Variants in USP34 observed in about 807,000 individuals in gnomAD.
USP34 encodes ubiquitin carboxyl-terminal hydrolase 34.
USP34 carries 70 observed loss-of-function variants against 460.3 expected under a neutral mutation model. That is an observed-to-expected ratio of 0.15 (90% CI 0.13 to 0.19). The LOEUF is 0.19. Ranked by LOEUF, USP34 falls within the 10% of genes least tolerant of loss-of-function variation. The pLI is 1.00. For missense variants in USP34, 3,985 were observed against 4,236.2 expected (o/e 0.94, Z 1.65); for synonymous variants, 1,647 against 1,405.3 (o/e 1.17, Z -3.85).
At chr2:61,353,285 G>A (rs1159328304) in intron 10 of USP34, among the ~76,000 whole-genome samples, 1 of 151,956 alleles carries the variant, frequency 6.6e-6, no homozygotes, top group Non-Finnish European at 1.5e-5. Context: ...ATGATTACTA[G>A]AGGTCTTAGA....
At chr2:61,353,805 GAGAA>G (rs1281816889) in intron 10 of USP34, among the ~76,000 whole-genome samples, 1 of 152,082 alleles carries the variant, frequency 6.6e-6, no homozygotes, top group Non-Finnish European at 1.5e-5. Context: ...TGAACAAAAT[GAGAA>G]TATCAGCAAA....
chr2:61,429,681 G>A (rs1457338182), intron 1 of USP34, among the ~76,000 whole-genome samples: 1 of 151,866 alleles, frequency 6.6e-6, no homozygotes, highest in South Asian at 2.1e-4. Context: ...AAAAGAAACC[G>A]ACTACTGATG....
At chr2:61,338,071 C>CA (rs1219208631) in intron 18 of USP34, among the ~76,000 whole-genome samples, 1 of 152,160 alleles carries the variant, frequency 6.6e-6, no homozygotes, top group African/African-American at 2.4e-5. Flanking sequence ...CCTGTAATCC[C>CA]AGCACTTTGA....
At chr2:61,415,582 T>A (rs949875078) in intron 2 of USP34, among the ~76,000 whole-genome samples, 1 of 152,018 alleles carries the variant, frequency 6.6e-6, no homozygotes, top group Non-Finnish European at 1.5e-5. Context: ...ATAAGAAGAG[T>A]GTTTCAGAAT....
intron 16 of USP34, among the ~76,000 whole-genome samples, chr2:61,340,095 C>A (rs1691544173): frequency 6.6e-6 from 1 of 151,982 alleles, no homozygotes; most frequent in Admixed American, 6.6e-5. Flanking sequence ...ATCAAGAGAA[C>A]TGTACATAAA....
intron 10 of USP34, among the ~76,000 whole-genome samples, chr2:61,353,390 G>C (rs111270682): frequency 1.3e-5 from 2 of 148,648 alleles, no homozygotes; most frequent in Non-Finnish European, 3.0e-5. Flanking sequence ...CTTCCTAGAC[G>C]AATGTTTTTT....
At chr2:61,262,938 T>G (rs372992710) in intron 43 of USP34, among the ~76,000 whole-genome samples, 27 of 152,294 alleles carry the variant, frequency 1.8e-4, no homozygotes, top group South Asian at 4.1e-4. Context: ...TGATGAGTAA[T>G]ACTGAGCATT....
rs34779019 is a variant in USP34, at chr2:61,371,444, TA to T, written c.1077-866del. 3.1e-3 allele frequency among the ~76,000 whole-genome samples: 449 copies of T among 142,552 alleles called. 2 individuals are homozygous for T. The highest frequency in any genetic ancestry group is 7.3e-3 in the African/African-American group (283 of 38,774). The allele number at this position is 142,552 out of a possible 152,430, so 93.5% of individuals were successfully genotyped here. A position where few individuals can be genotyped will look rare whatever the true frequency, so the allele number is the denominator to read the frequency against. The stretch of plus-strand genomic sequence containing the variant: ...AGCTCCATGTGTATTATTAAAAAGT[TA>T]AAAAAAAAAAAAGGAAAGAAAACAG... On this transcript the variant is annotated intron_variant, in intron 8 of 79. Transcript: ENST00000398571.
intron 5 of USP34, among the ~76,000 whole-genome samples, chr2:61,392,212 G>T (rs189094744): frequency 6.6e-6 from 1 of 152,278 alleles, no homozygotes; most frequent in Non-Finnish European, 1.5e-5. Context: ...TGCACCTTTA[G>T]TCCCAGGTAC....
Position 61,235,919 on chromosome 2 carries a change from G to C in USP34, c.6967-9C>G, listed in dbSNP as rs148257628. ...CACTGAAGCATCGTGGGCTAGAAAA[G>C]AAAAGTCAGTCAAAGCATATGAACT... is the stretch of plus-strand genomic sequence containing the variant. On this transcript the variant is annotated splice_polypyrimidine_tract_variant and intron_variant, in intron 56 of 79. Transcript: ENST00000398571. 423 of 1,611,106 alleles carry C rather than the reference G, an allele frequency of 2.6e-4. 2 individuals are homozygous for C. In the Middle Eastern group the frequency reaches 3.1e-3, roughly 12 times the overall value.
Position 61,317,641 on chromosome 2 carries a change from T to A in USP34, c.3282+13A>T. The stretch of plus-strand genomic sequence containing the variant: ...GAATAAAGTTGCCTAATAAAGTAAG[T>A]CTAAATCCATACCTCAGAATTTGAA... On this transcript the variant is annotated intron_variant, in intron 23 of 79. Coordinates refer to ENST00000398571, the MANE Select transcript of USP34 (RefSeq NM_014709.4). 1 of 1,599,688 alleles carries A rather than the reference T, an allele frequency of 6.3e-7. No individual in the cohort carries two copies. The highest frequency in any genetic ancestry group is 8.5e-7 in the Non-Finnish European group (1 of 1,170,504).
chr2:61,356,475 G>GCGCGCACA (rs369666693), intron 10 of USP34, among the ~76,000 whole-genome samples: 49 of 128,422 alleles, frequency 3.8e-4, no homozygotes, highest in African/African-American at 1.2e-3. Context: ...GGGTGAAAGC[G>GCGCGCACA]CACACACACA....
chr2:61,239,300 T>TCTCACTCACACACA (rs1213558114), intron 53 of USP34, among the ~76,000 whole-genome samples: 1 of 132,768 alleles, frequency 7.5e-6, no homozygotes, highest in African/African-American at 2.9e-5. Context: ...GAGGGCCCTG[T>TCTCACTCACACACA]CACACACACA....
chr2:61,209,243 C>A (rs1317233818), intron 69 of USP34, among the ~76,000 whole-genome samples: 4 of 152,150 alleles, frequency 2.6e-5, no homozygotes, highest in Middle Eastern at 3.2e-3. Flanking sequence ...AAAGTTTCCA[C>A]ATAAACAATG....
intron 27 of USP34, among the ~76,000 whole-genome samples, chr2:61,303,324 C>G (rs1572915520): frequency 6.6e-6 from 1 of 152,146 alleles, no homozygotes; most frequent in East Asian, 1.9e-4. Context: ...CCTCGGCCCC[C>G]CAAAGTGCTG....
At chr2:61,370,799 C>T (rs1692599543) in intron 8 of USP34, among the ~76,000 whole-genome samples, 1 of 152,150 alleles carries the variant, frequency 6.6e-6, no homozygotes, top group Non-Finnish European at 1.5e-5. Context: ...CAACGAATAA[C>T]TGAAAAGGTA....
intron 3 of USP34, among the ~76,000 whole-genome samples, chr2:61,401,109 C>T (rs531525506): frequency 9.6e-4 from 139 of 144,154 alleles, no homozygotes; most frequent in Middle Eastern, 3.8e-3. Flanking sequence ...CGAGATCGCG[C>T]CATTGCACTC....
intron 43 of USP34, among the ~76,000 whole-genome samples, chr2:61,261,454 T>C (rs74340203): frequency 0.013 from 1,908 of 152,140 alleles, 26 homozygotes; most frequent in East Asian, 0.042. Context: ...CCTGAAACAG[T>C]TGAATGCATA....
rs920620833 is a variant in USP34 at position 61,278,305 on chromosome 2, T to C, written c.5313-20A>G. 2 of 1,611,474 alleles carry C rather than the reference T, an allele frequency of 1.2e-6. No homozygotes were observed. Among genetic ancestry groups the C allele is most frequent in the Non-Finnish European group, 1.7e-6 (2 of 1,179,092 alleles). ...TCCCTACTACAAAAAAGAAAAAAAA[T>C]ACACACAAGCAAGATAGTTCACATA... On this transcript the variant is annotated intron_variant, in intron 40 of 79. Coordinates refer to ENST00000398571, the MANE Select transcript of USP34 (RefSeq NM_014709.4).
Sources: allele counts gnomAD v4.1 joint callset (sites outside exome capture counted in the v4.1 genomes callset), GRCh38; gene constraint gnomAD v4.1.1; transcripts MANE v1.5; gene names NCBI Gene and HGNC (gene_info 2026-07-23, HGNC 2026-07-21).